The following CNDP2 variants were observed in gnomAD, a reference collection of about 807,000 sequenced individuals.
CNDP2 encodes the protein cytosolic non-specific dipeptidase.
CNDP2 carries 38 observed loss-of-function variants against 55.0 expected under a neutral mutation model. The ratio of observed to expected loss-of-function variants is 0.69; its 90% CI spans 0.53 to 0.90. The LOEUF is 0.90. CNDP2 is among the 40% of genes least tolerant of loss of function. The pLI is 0.00. For synonymous variants in CNDP2, 241 were observed against 260.2 expected (o/e 0.93, Z 0.71); for missense variants, 607 against 621.7 (o/e 0.98, Z 0.25).
At position 74,499,895 on chromosome 18, in the gene CNDP2, C is replaced by A; in HGVS notation, c.-79C>A. The stretch of plus-strand genomic sequence containing the variant: ...CTTTCTGGGCAGGTCGCCCCTCAGT[C>A]TCCACTAGAGACAGGACTGACCAGT... On this transcript the variant is annotated 5_prime_UTR_variant, in exon 2 of 12. Transcript: ENST00000324262. The A allele has an allele frequency of 7.5e-7, 1 of 1,333,704 alleles. No individual in the cohort carries two copies. The highest frequency in any genetic ancestry group is 1.1e-6 in the Non-Finnish European group (1 of 942,346). 82.6% of individuals were successfully genotyped at this position (1,333,704 alleles called of 1,614,324 possible).
At chr18:74,501,130 T>G in intron 2 of CNDP2, 199 bp from the exon 3 acceptor site, 1 of 1,151,202 alleles carries the variant, frequency 8.7e-7, no homozygotes, top group Non-Finnish European at 1.1e-6. Context: ...TATGAGAGGG[T>G]CTCTCTCTTC....
At chr18:74,497,245 T>G (rs1307804578) in intron 1 of CNDP2, among the ~76,000 whole-genome samples, 2 of 151,546 alleles carry the variant, frequency 1.3e-5, no homozygotes, top group Admixed American at 6.6e-5. Flanking sequence ...CAGGCAGGAG[T>G]GGAGGAAGAG....
chr18:74,498,185 A>C (rs1379492446), intron 1 of CNDP2, among the ~76,000 whole-genome samples: 3 of 152,172 alleles, frequency 2.0e-5, no homozygotes, highest in African/African-American at 7.2e-5. Context: ...AAGAAAATGC[A>C]TTGTTAGGCG....
chr18:74,516,631 A>G (rs1979686643), intron 9 of CNDP2: 2 of 320,712 alleles, frequency 6.2e-6, no homozygotes, highest in Non-Finnish European at 1.1e-5. Flanking sequence ...GACCTCACTC[A>G]CCTCAAGGCT....
chr18:74,518,211 G>A (rs569192142), intron 9 of CNDP2: 19 of 211,774 alleles, frequency 9.0e-5, no homozygotes, highest in East Asian at 3.3e-4. Context: ...GCAGTGAGCC[G>A]AGATCACGCC....
chr18:74,506,049 C>A, intron 4 of CNDP2, 38 bp downstream of exon 4: 1 of 1,511,988 alleles, frequency 6.6e-7, no homozygotes, highest in Non-Finnish European at 8.8e-7. Context: ...AGAGGAAAGG[C>A]ACTGACTTTT....
In CNDP2 at chr18:74,505,950, G is replaced by A; in HGVS notation, c.306G>A (p.Val102=). The A allele has an allele frequency of 6.2e-7, 1 of 1,612,314 alleles. No homozygotes were observed. The highest frequency in any genetic ancestry group is 1.7e-4 in the Middle Eastern group (1 of 6,052). The change falls in exon 4 of 12, where the codon GTG becomes GTA. Residue 102 remains valine (V), a synonymous_variant. Transcript: ENST00000324262. ...TGTGCATTTACGGGCACCTGGATGT[G>A]CAGCCTGCAGCCCTGGAGGACGGCT... ...KTVCIYGHLD[V]QPAALEDGWD... is the part of the protein sequence containing the mutation.
At chr18:74,510,729 T>C (rs1189765654) in intron 5 of CNDP2, 84 bp from the exon 6 acceptor site, 1 of 1,181,714 alleles carries the variant, frequency 8.5e-7, no homozygotes, top group South Asian at 1.4e-5. Context: ...ATGCCGGAGA[T>C]GTGAAATATG....
At chr18:74,499,851 T>G in intron 1 of CNDP2, 31 bp from the exon 2 acceptor site, 1 of 783,250 alleles carries the variant, frequency 1.3e-6, no homozygotes, top group East Asian at 2.7e-5. Context: ...GGGCAACAAT[T>G]TACAATTCTG....
chr18:74,501,176 AAGCAC>A (rs758329639), intron 2 of CNDP2, 148 bp from the exon 3 acceptor site: 4 of 1,385,314 alleles, frequency 2.9e-6, no homozygotes, highest in Non-Finnish European at 2.8e-6. Context: ...CTTTAACCCA[AAGCAC>A]ACGTGATGGG....
At chr18:74,511,340 C>T (rs1979340453) in intron 6 of CNDP2, 1 of 290,248 alleles carries the variant, frequency 3.4e-6, no homozygotes, top group Non-Finnish European at 6.4e-6. Flanking sequence ...AGAAACACTT[C>T]CTTTTGAAGG....
chr18:74,509,509 C>G (rs886450823), intron 5 of CNDP2: 1 of 152,184 alleles, frequency 6.6e-6, no homozygotes, highest in African/African-American at 2.4e-5. Context: ...TGGTGGGCAC[C>G]TGTAATCCCA....
intron 8 of CNDP2, among the ~76,000 whole-genome samples, chr18:74,514,618 T>G (rs1157313238): frequency 6.6e-6 from 1 of 151,504 alleles, no homozygotes; most frequent in African/African-American, 2.4e-5. Flanking sequence ...GGCTATAGGT[T>G]TATGTGGTAT....
chr18:74,504,126 G>A (rs1157646463), intron 3 of CNDP2, among the ~76,000 whole-genome samples: 1 of 140,592 alleles, frequency 7.1e-6, no homozygotes, highest in Non-Finnish European at 1.5e-5. Context: ...CGCCACACAC[G>A]CAGCCACACT....
intron 5 of CNDP2, chr18:74,509,232 T>C (rs551603276): frequency 2.7e-6 from 1 of 364,154 alleles, no homozygotes; most frequent in Admixed American, 3.8e-5. Context: ...GTGAGTGTGG[T>C]CCCTTGCCAG....
In CNDP2 at chr18:74,522,014, AC is replaced by A. The variant is rs939696577; in HGVS notation, c.*1947del. ...TTCTGGGAACATCACACTCATCGTG[AC>A]AAAACATCAGACAAACCCAAACGGA... On this transcript the variant is annotated 3_prime_UTR_variant, in exon 12 of 12. Coordinates refer to ENST00000324262, the MANE Select transcript of CNDP2 (RefSeq NM_018235.3). 6.6e-6 allele frequency: 1 copy of A among 152,238 alleles called. No individual in the cohort carries two copies. Among genetic ancestry groups the A allele is most frequent in the Non-Finnish European group, 1.5e-5 (1 of 68,044 alleles). The allele number at this position is 152,238 out of a possible 1,614,324, so 9.4% of individuals were successfully genotyped here.
intron 1 of CNDP2, among the ~76,000 whole-genome samples, chr18:74,498,781 C>T (rs1032654835): frequency 7.9e-5 from 12 of 152,176 alleles, no homozygotes; most frequent in African/African-American, 2.4e-4. Flanking sequence ...CAGAAAGATC[C>T]GAGCTGGCTG....
chr18:74,518,816 C>A, intron 10 of CNDP2, 133 bp from the exon 11 acceptor site: 1 of 1,458,700 alleles, frequency 6.9e-7, no homozygotes, highest in Non-Finnish European at 9.4e-7. Flanking sequence ...CCCTGGCGGA[C>A]CTTGAACGCG....
intron 9 of CNDP2, 103 bp downstream of exon 9, chr18:74,516,495 G>GC: frequency 8.5e-7 from 1 of 1,183,232 alleles, no homozygotes. Context: ...GGCCATGCAT[G>GC]CCCCCGCTTC....
Sources: gnomAD v4.1 joint callset for allele counts (sites outside exome capture counted in the v4.1 genomes callset) on GRCh38, gnomAD v4.1.1 for gene constraint, MANE v1.5 for transcripts, NCBI Gene and HGNC (gene_info 2026-07-23, HGNC 2026-07-21) for gene names.